WWOX: variants seen among roughly 807,000 people sequenced by gnomAD.
The protein encoded by WWOX is WW domain-containing oxidoreductase.
In WWOX, 69 loss-of-function variants were observed where a neutral mutation model predicts 46.2. That is an observed-to-expected ratio of 1.49 (90% CI 1.23 to 1.82). WWOX has a LOEUF of 1.82. Ranked by LOEUF, WWOX falls within the 40% of genes most tolerant of loss-of-function variation. The pLI is 0.00. For missense variants in WWOX, 919 were observed against 542.6 expected (o/e 1.69, Z -6.89); for synonymous variants, 359 against 202.6 (o/e 1.77, Z -6.56).
intron 8 of WWOX, among the ~76,000 whole-genome samples, chr16:78,942,857 G>A (rs569760093): frequency 6.6e-6 from 1 of 152,262 alleles, no homozygotes; most frequent in East Asian, 1.9e-4. Context: ...TCAGGTCCTA[G>A]GTCAAAGACA....
chr16:78,794,015 A>G (rs186238455), intron 8 of WWOX, among the ~76,000 whole-genome samples: 61 of 152,316 alleles, frequency 4.0e-4, no homozygotes, highest in Admixed American at 2.2e-3. Flanking sequence ...GCTTTGGGTT[A>G]CAGCAGGCTA....
At chr16:78,896,310 T>C (rs1022148572) in intron 8 of WWOX, 1 of 151,894 alleles carries the variant, frequency 6.6e-6, no homozygotes, top group Non-Finnish European at 1.5e-5. Flanking sequence ...GGGAAAAGGA[T>C]TGTAGAATGA....
chr16:78,348,947 G>A lies in WWOX; in HGVS notation c.517-37913G>A, dbSNP rs1277881242. Among the ~76,000 whole-genome samples the A allele has an allele frequency of 1.7e-5, 2 of 120,994 alleles. 1 individual carries two copies. The highest frequency in any genetic ancestry group is 5.0e-4 in the South Asian group (2 of 4,010). 79.4% of individuals were successfully genotyped at this position (120,994 alleles called of 152,430 possible). On this transcript the variant is annotated intron_variant, in intron 5 of 8. Coordinates refer to ENST00000566780, the MANE Select transcript of WWOX (RefSeq NM_016373.4). ...AATAGCCCAGCAGAGGGGAAAAGAG[G>A]AAGTCTGAACGAGGGCCACATTGCA...
intron 8 of WWOX, among the ~76,000 whole-genome samples, chr16:78,771,073 T>C (rs2050052417): frequency 6.6e-6 from 1 of 152,194 alleles, no homozygotes; most frequent in Admixed American, 6.5e-5. Context: ...TCAGCCGGCA[T>C]GGCATGCAAG....
intron 8 of WWOX, among the ~76,000 whole-genome samples, chr16:79,064,381 A>G (rs2048406185): frequency 6.6e-6 from 1 of 152,226 alleles, no homozygotes; most frequent in Admixed American, 6.5e-5. Context: ...AAAAGTAGGA[A>G]TAATATCTAG....
intron 5 of WWOX, among the ~76,000 whole-genome samples, chr16:78,226,367 C>G (rs1177052299): frequency 2.0e-5 from 3 of 152,048 alleles, no homozygotes; most frequent in African/African-American, 7.2e-5. Context: ...GGGATGTATA[C>G]TCTGGCAGAA....
At chr16:78,918,276 A>C (rs866970710) in intron 8 of WWOX, among the ~76,000 whole-genome samples, 8 of 152,308 alleles carry the variant, frequency 5.3e-5, no homozygotes, top group Admixed American at 1.3e-4. Flanking sequence ...AGAAAAAAAT[A>C]AATGGATACA....
chr16:78,627,992 G>C (rs2046347969), intron 8 of WWOX, among the ~76,000 whole-genome samples: 1 of 152,216 alleles, frequency 6.6e-6, no homozygotes, highest in Non-Finnish European at 1.5e-5. Context: ...CCTTGGGAGA[G>C]TAGCCTCAGG....
chr16:79,088,795 A>C (rs2048899972), intron 8 of WWOX, among the ~76,000 whole-genome samples: 1 of 152,174 alleles, frequency 6.6e-6, no homozygotes, highest in Admixed American at 6.5e-5. Flanking sequence ...CAGATATTCA[A>C]AGAGAATTCA....
intron 8 of WWOX, among the ~76,000 whole-genome samples, chr16:78,668,002 G>A (rs756895571): frequency 6.6e-6 from 1 of 152,094 alleles, no homozygotes; most frequent in African/African-American, 2.4e-5. Context: ...AACTTGGCTG[G>A]GTGCGGTGGC....
At chr16:78,771,241 T>G (rs2050057471) in intron 8 of WWOX, among the ~76,000 whole-genome samples, 1 of 152,162 alleles carries the variant, frequency 6.6e-6, no homozygotes, top group African/African-American at 2.4e-5. Context: ...GGCTGCTGTG[T>G]TGAGTGGATT....
chr16:78,870,692 C>G (rs1205143455), intron 8 of WWOX, among the ~76,000 whole-genome samples: 1 of 152,182 alleles, frequency 6.6e-6, no homozygotes, highest in Non-Finnish European at 1.5e-5. Flanking sequence ...ACCTCTGCCT[C>G]CTGGGTTCAA....
At chr16:78,949,373 G>T (rs1270574545) in intron 8 of WWOX, among the ~76,000 whole-genome samples, 1 of 152,134 alleles carries the variant, frequency 6.6e-6, no homozygotes, top group Non-Finnish European at 1.5e-5. Context: ...CTGTCATGGG[G>T]CCTTCCACAG....
chr16:78,594,526 C>T (rs1225010510), intron 8 of WWOX, among the ~76,000 whole-genome samples: 2 of 147,742 alleles, frequency 1.4e-5, no homozygotes, highest in South Asian at 2.2e-4. Context: ...GGTACAAATC[C>T]CACATGAAAA....
At chr16:78,146,126 G>C (rs1048185156) in intron 4 of WWOX, among the ~76,000 whole-genome samples, 3 of 152,022 alleles carry the variant, frequency 2.0e-5, no homozygotes, top group African/African-American at 7.2e-5. Flanking sequence ...TTCTAGTTGC[G>C]CATGCTTCCA....
At chr16:79,021,968 C>G (rs1393986732) in intron 8 of WWOX, among the ~76,000 whole-genome samples, 1 of 152,206 alleles carries the variant, frequency 6.6e-6, no homozygotes, top group Non-Finnish European at 1.5e-5. Context: ...GTGACGTTCT[C>G]TCTGCAGGCA....
At chr16:78,560,195 C>T (rs1215001518) in intron 8 of WWOX, among the ~76,000 whole-genome samples, 1 of 152,136 alleles carries the variant, frequency 6.6e-6, no homozygotes. Context: ...GTCAGTACTA[C>T]TGAAACAGGT....
At chr16:79,111,863 A>C (rs999555158) in intron 8 of WWOX, among the ~76,000 whole-genome samples, 5 of 152,020 alleles carry the variant, frequency 3.3e-5, no homozygotes, top group Non-Finnish European at 7.4e-5. Flanking sequence ...TATGTAACAG[A>C]CTCCATCCTG....
At chr16:78,350,564 C>G (rs1395887967) in intron 5 of WWOX, among the ~76,000 whole-genome samples, 1 of 120,426 alleles carries the variant, frequency 8.3e-6, no homozygotes, top group East Asian at 1.9e-4. Flanking sequence ...ACTGTGTGGC[C>G]CTTTGTGTCT....
Sources: gnomAD v4.1 joint callset for allele counts (sites outside exome capture counted in the v4.1 genomes callset) on GRCh38, gnomAD v4.1.1 for gene constraint, MANE v1.5 for transcripts, NCBI Gene and HGNC (gene_info 2026-07-23, HGNC 2026-07-21) for gene names.